The following KCNQ3 variants were observed in gnomAD, a reference collection of about 807,000 sequenced individuals.
The protein encoded by KCNQ3 is potassium voltage-gated channel subfamily Q member 3, also known as potassium voltage-gated channel subfamily KQT member 3.
A neutral mutation model predicts 92.5 loss-of-function variants in KCNQ3; 30 were observed. The ratio of observed to expected loss-of-function variants is 0.32; its 90% CI spans 0.24 to 0.44. KCNQ3 has a LOEUF of 0.44. Among genes scored for constraint, KCNQ3 ranks in the 20% least tolerant of loss-of-function variants. The probability of loss-of-function intolerance (pLI) is 1.00; values close to 1 mark genes in which losing one functional copy is unlikely to be tolerated. For synonymous variants in KCNQ3, 450 were observed against 468.8 expected, an observed-to-expected ratio of 0.96 and a Z score of 0.52; for missense variants, 913 against 1,140.3, an observed-to-expected ratio of 0.80 and a Z score of 2.87.
At chr8:132,228,257 A>G (rs1488923325) in intron 1 of KCNQ3, among the ~76,000 whole-genome samples, 1 of 152,190 alleles carries the variant, frequency 6.6e-6, no homozygotes, top group East Asian at 1.9e-4. Flanking sequence ...CAAAATATTC[A>G]GGCATCAAAG....
intron 1 of KCNQ3, among the ~76,000 whole-genome samples, chr8:132,360,216 C>T (rs1025555969): frequency 1.1e-4 from 16 of 152,204 alleles, no homozygotes; most frequent in African/African-American, 3.9e-4. Flanking sequence ...CTCCCCATTG[C>T]TTCTGTTGGT....
At chr8:132,186,011 A>G (rs1826944955) in intron 2 of KCNQ3, 80 bp downstream of exon 2, 4 of 996,250 alleles carry the variant, frequency 4.0e-6, no homozygotes, top group South Asian at 3.9e-5. Context: ...CCAGTCAGGG[A>G]GGAGTGCACC....
intron 10 of KCNQ3, 48 bp downstream of exon 10, chr8:132,141,081 G>T: frequency 6.5e-7 from 1 of 1,546,352 alleles, no homozygotes; most frequent in South Asian, 1.1e-5. Flanking sequence ...AGTGGACTTG[G>T]GGGAGGAAGA....
intron 1 of KCNQ3, among the ~76,000 whole-genome samples, chr8:132,333,952 C>G (rs192603915): frequency 6.6e-6 from 1 of 151,750 alleles, no homozygotes; most frequent in Admixed American, 6.6e-5. Context: ...AGGCTCGTCT[C>G]GAACTCTTGA....
At chr8:132,383,426 T>C (rs1819806231) in intron 1 of KCNQ3, among the ~76,000 whole-genome samples, 1 of 152,072 alleles carries the variant, frequency 6.6e-6, no homozygotes, top group Admixed American at 6.5e-5. Flanking sequence ...TGGGGGAGGC[T>C]GGGTTGGCAG....
At chr8:132,398,118 A>T (rs1820240291) in intron 1 of KCNQ3, among the ~76,000 whole-genome samples, 1 of 152,200 alleles carries the variant, frequency 6.6e-6, no homozygotes, top group South Asian at 2.1e-4. Context: ...CAATTTTTTT[A>T]AATCATCAAG....
At chr8:132,445,703 T>G (rs1052421340) in intron 1 of KCNQ3, among the ~76,000 whole-genome samples, 1 of 114,574 alleles carries the variant, frequency 8.7e-6, no homozygotes, top group African/African-American at 3.4e-5. Flanking sequence ...TCATTATTAT[T>G]AATATCATTT....
At chr8:132,427,261 G>T (rs1372283686) in intron 1 of KCNQ3, among the ~76,000 whole-genome samples, 1 of 152,178 alleles carries the variant, frequency 6.6e-6, no homozygotes, top group African/African-American at 2.4e-5. Flanking sequence ...TACCAGTCTT[G>T]CACACAGAGC....
intron 14 of KCNQ3, 145 bp downstream of exon 14, chr8:132,132,035 T>A: frequency 1.5e-6 from 1 of 648,114 alleles, no homozygotes; most frequent in South Asian, 1.7e-5. Context: ...TTGCAGTGAG[T>A]CAAGATCGCG....
intron 1 of KCNQ3, among the ~76,000 whole-genome samples, chr8:132,201,176 G>T (rs770052862): frequency 6.6e-6 from 1 of 152,056 alleles, no homozygotes; most frequent in Admixed American, 6.6e-5. Context: ...TCATCACCTC[G>T]TAAAGGTCCC....
chr8:132,328,224 A>T (rs539788436), intron 1 of KCNQ3, among the ~76,000 whole-genome samples: 1 of 152,030 alleles, frequency 6.6e-6, no homozygotes, highest in Non-Finnish European at 1.5e-5. Context: ...CTCAGGACTC[A>T]TTGTCTGCAC....
chr8:132,398,232 A>T (rs560626162), intron 1 of KCNQ3, among the ~76,000 whole-genome samples: 7 of 152,270 alleles, frequency 4.6e-5, no homozygotes, highest in African/African-American at 1.7e-4. Context: ...AAGATTAGCA[A>T]TGGGCTTCAA....
chr8:132,418,681 G>A (rs539252317), intron 1 of KCNQ3, among the ~76,000 whole-genome samples: 56 of 152,206 alleles, frequency 3.7e-4, no homozygotes, highest in Admixed American at 8.5e-4. Context: ...AGCTACTTGG[G>A]AGGCTGAGGC....
At chr8:132,443,934 T>C (rs951966404) in intron 1 of KCNQ3, among the ~76,000 whole-genome samples, 2 of 152,122 alleles carry the variant, frequency 1.3e-5, no homozygotes, top group African/African-American at 4.8e-5. Context: ...ACTTTATAAA[T>C]AATAAGTGAT....
At chr8:132,290,840 T>TAGG (rs1816816557) in intron 1 of KCNQ3, among the ~76,000 whole-genome samples, 1 of 152,114 alleles carries the variant, frequency 6.6e-6, no homozygotes, top group South Asian at 2.1e-4. Flanking sequence ...GAGAAATCAG[T>TAGG]ACCTGGAAGA....
In KCNQ3 at chr8:132,124,158, A is replaced by G. The variant is rs1431516660; in HGVS notation, c.*5104T>C. ...CATTCCAAGATTCCTTCTGTTCTTT[A>G]TTGTGGTAGACAAGAGCAAGCATTT... On this transcript the variant is annotated 3_prime_UTR_variant, in exon 15 of 15. Transcript: ENST00000388996. 2 of 152,190 alleles carry G rather than the reference A, an allele frequency of 1.3e-5. No individual in the cohort carries two copies. Among genetic ancestry groups the G allele is most frequent in the Non-Finnish European group, 2.9e-5 (2 of 68,020 alleles). 9.4% of individuals were successfully genotyped at this position (152,190 alleles called of 1,614,324 possible).
At chr8:132,421,553 C>A (rs767372381) in intron 1 of KCNQ3, among the ~76,000 whole-genome samples, 2 of 152,002 alleles carry the variant, frequency 1.3e-5, no homozygotes, top group East Asian at 1.9e-4. Flanking sequence ...GTCGGGGGAA[C>A]AAAATGGGGG....
At chr8:132,416,014 T>C (rs1157624421) in intron 1 of KCNQ3, among the ~76,000 whole-genome samples, 1 of 152,196 alleles carries the variant, frequency 6.6e-6, no homozygotes, top group Non-Finnish European at 1.5e-5. Context: ...GGAGGTCATA[T>C]GACTCACCCC....
intron 1 of KCNQ3, among the ~76,000 whole-genome samples, chr8:132,414,837 A>G (rs550117316): frequency 6.6e-6 from 1 of 152,376 alleles, no homozygotes; most frequent in African/African-American, 2.4e-5. Context: ...GATCAAATAC[A>G]TGACAGCAAA....
Sources: allele counts gnomAD v4.1 joint callset (sites outside exome capture counted in the v4.1 genomes callset), GRCh38; gene constraint gnomAD v4.1.1; transcripts MANE v1.5; gene names NCBI Gene and HGNC (gene_info 2026-07-23, HGNC 2026-07-21).